The following GCSAML variants were observed in gnomAD, a reference collection of about 807,000 sequenced individuals.
GCSAML encodes the protein germinal center associated signaling and motility like, also known as germinal center-associated signaling and motility-like protein.
GCSAML carries 9 observed loss-of-function variants against 13.0 expected under a neutral mutation model. The observed-to-expected ratio is 0.69, with a 90% CI of 0.42 to 1.21. The LOEUF (loss-of-function observed/expected upper bound fraction) is 1.21. GCSAML is among the 50% of genes most tolerant of loss of function. The probability of loss-of-function intolerance (pLI) is 0.00; values close to 1 mark genes in which losing one functional copy is unlikely to be tolerated. For synonymous variants in GCSAML, 37 were observed against 52.9 expected, an observed-to-expected ratio of 0.70 and a Z score of 1.31; for missense variants, 143 against 153.4, an observed-to-expected ratio of 0.93 and a Z score of 0.36.
At chr1:247,544,928 A>G (rs1301082794), upstream of GCSAML, among the ~76,000 whole-genome samples, 1 of 152,194 alleles carries the variant, frequency 6.6e-6, no homozygotes, top group Non-Finnish European at 1.5e-5. Context: ...ATAACCAAGC[A>G]ATCTTCATTT....
chr1:247,529,552 A>AC (rs1666823228), intron 2 of GCSAML: 3 of 152,288 alleles, frequency 2.0e-5, no homozygotes, highest in Admixed American at 2.0e-4. Context: ...AACCAACAAG[A>AC]CATGAGAGTG....
chr1:247,561,186 T>C (rs1409507884), intron 2 of GCSAML, among the ~76,000 whole-genome samples: 2 of 152,174 alleles, frequency 1.3e-5, no homozygotes, highest in Non-Finnish European at 1.5e-5. Flanking sequence ...ACTTCTGGGC[T>C]CAAGTGATCC....
At chr1:247,536,074 C>G (rs1406991192) in intron 2 of GCSAML, 2 of 151,820 alleles carry the variant, frequency 1.3e-5, no homozygotes, top group Non-Finnish European at 2.9e-5. Flanking sequence ...TCAATTTTAA[C>G]TGGAATTACC....
intron 1 of GCSAML, among the ~76,000 whole-genome samples, chr1:247,516,207 A>G (rs1666205426): frequency 6.6e-6 from 1 of 152,238 alleles, no homozygotes. Context: ...CTGAAAACAC[A>G]TATGGGAACT....
rs1272598537 is a variant in GCSAML at position 247,517,732 on chromosome 1, G to T, written c.-262-9208G>T. On this transcript the variant is annotated intron_variant, in intron 1 of 5. Coordinates refer to the GCSAML transcript ENST00000366489. ...CCCTTCAGTGCTAGATAACCAGCAG[G>T]CAAGTGAGACTCGCTAAAAACTGTG... Among the ~76,000 whole-genome samples, 5 of 152,218 alleles carry T rather than the reference G, an allele frequency of 3.3e-5. No individual in the cohort carries two copies. In the East Asian group the frequency reaches 9.7e-4, roughly 29 times the overall value.
Position 247,574,295 on chromosome 1 carries a change from G to C in GCSAML, c.321G>C (p.Glu107Asp). ...RKVRQFRERS[E>D]TEYALLRTSV... ...TGAGACAGTTTAGAGAAAGGTCAGA[G>C]ACAGAATATGCCCTTCTTAGGACTT... The change falls in exon 5 of 5, where the codon GAG becomes GAC. Residue 107 changes from glutamate (E) to aspartate (D), a missense_variant. Glu to Asp is a conservative substitution (Grantham distance 45). Coordinates refer to ENST00000366488, the MANE Select transcript of GCSAML (RefSeq NM_145278.5). 6.2e-7 allele frequency: 1 copy of C among 1,614,028 alleles called. No homozygotes were observed. The highest frequency in any genetic ancestry group is 8.5e-7 in the Non-Finnish European group (1 of 1,179,942).
At chr1:247,554,428 A>T (rs1667888929) in intron 1 of GCSAML, among the ~76,000 whole-genome samples, 1 of 151,884 alleles carries the variant, frequency 6.6e-6, no homozygotes, top group Non-Finnish European at 1.5e-5. Flanking sequence ...TTCTTTTCTA[A>T]GATTTGGTTC....
chr1:247,531,367 A>G, intron 2 of GCSAML: 1 of 629,618 alleles, frequency 1.6e-6, no homozygotes. Context: ...AACTATGATA[A>G]TTAGCAAATA....
upstream of GCSAML, chr1:247,549,104 C>T (rs540790227): frequency 2.3e-4 from 373 of 1,613,368 alleles, no homozygotes; most frequent in African/African-American, 4.5e-3. Context: ...AACGTCCTGC[C>T]TCATGCATTT....
upstream of GCSAML, among the ~76,000 whole-genome samples, chr1:247,547,050 C>T (rs921788487): frequency 1.5e-4 from 23 of 152,014 alleles, no homozygotes; most frequent in African/African-American, 5.6e-4. Context: ...TGCAGCTGAG[C>T]CCTGATCATG....
intron 4 of GCSAML, among the ~76,000 whole-genome samples, chr1:247,567,883 A>G (rs564917595): frequency 2.0e-5 from 3 of 152,242 alleles, no homozygotes; most frequent in African/African-American, 7.2e-5. Context: ...CTGGCATGAG[A>G]TGGTATCTCA....
In GCSAML at chr1:247,561,128, CT is replaced by C. The variant is rs1294420532; in HGVS notation, c.90-2456del. On this transcript the variant is annotated intron_variant, in intron 2 of 4. Coordinates refer to ENST00000366488, the MANE Select transcript of GCSAML (RefSeq NM_145278.5). ...ACCATCATGCCTGGCTAATATACAA[CT>C]TTTTTGTACAGACAGGGTTTTGCCA... is the stretch of plus-strand genomic sequence containing the variant. 2.0e-5 allele frequency among the ~76,000 whole-genome samples: 3 copies of C among 151,910 alleles called. No individual in the cohort carries two copies. The South Asian group carries it at 6.2e-4, about 32-fold the overall frequency.
At chr1:247,573,826 G>A (rs1668725664) in intron 4 of GCSAML, among the ~76,000 whole-genome samples, 2 of 152,120 alleles carry the variant, frequency 1.3e-5, no homozygotes, top group South Asian at 4.1e-4. Flanking sequence ...CTTGAACATG[G>A]AATATTTTTC....
chr1:247,551,206 T>C (rs1667766894), intron 1 of GCSAML, among the ~76,000 whole-genome samples: 1 of 152,164 alleles, frequency 6.6e-6, no homozygotes, highest in African/African-American at 2.4e-5. Flanking sequence ...TGGTTTGGGA[T>C]AGCAGGAAGG....
chr1:247,531,545 GTC>G (rs1181345706), intron 2 of GCSAML: 2 of 1,612,322 alleles, frequency 1.2e-6, no homozygotes, highest in Non-Finnish European at 8.5e-7. Flanking sequence ...AGGCACTGGA[GTC>G]TCTAAATTTG....
At chr1:247,531,509 A>T in intron 2 of GCSAML, 1 of 1,591,258 alleles carries the variant, frequency 6.3e-7, no homozygotes, top group Non-Finnish European at 8.6e-7. Context: ...ACTTTGCTCG[A>T]TGTAAACTTG....
chr1:247,523,359 A>T (rs1269497474), intron 1 of GCSAML, among the ~76,000 whole-genome samples: 1 of 152,240 alleles, frequency 6.6e-6, no homozygotes, highest in Non-Finnish European at 1.5e-5. Flanking sequence ...CATTATATTG[A>T]GTACCAATTT....
At chr1:247,517,346 C>T (rs1414906682) in intron 1 of GCSAML, among the ~76,000 whole-genome samples, 3 of 152,156 alleles carry the variant, frequency 2.0e-5, no homozygotes, top group Admixed American at 2.0e-4. Flanking sequence ...ACCTGCAGTT[C>T]ACAGTGCAAG....
intron 1 of GCSAML, among the ~76,000 whole-genome samples, chr1:247,507,968 T>G (rs1558229763): frequency 6.6e-6 from 1 of 152,230 alleles, no homozygotes; most frequent in Admixed American, 6.5e-5. Flanking sequence ...ACTGCTGCAA[T>G]AAACATACGT....
Sources: gnomAD v4.1 joint callset for allele counts (sites outside exome capture counted in the v4.1 genomes callset) on GRCh38, gnomAD v4.1.1 for gene constraint, MANE v1.5 for transcripts, NCBI Gene and HGNC (gene_info 2026-07-23, HGNC 2026-07-21) for gene names.